MKLN1: variants seen among roughly 807,000 people sequenced by gnomAD.
MKLN1 encodes muskelin.
Under a neutral mutation model 99.0 loss-of-function variants are expected in MKLN1, and 18 were observed. The observed-to-expected ratio is 0.18, with a 90% confidence interval of 0.13 to 0.27. The LOEUF (loss-of-function observed/expected upper bound fraction) is 0.27, where lower values mean the gene tolerates loss of function less well. Ranked by LOEUF, MKLN1 falls within the 10% of genes least tolerant of loss-of-function variation. MKLN1 has a pLI of 1.00. For synonymous variants in MKLN1, 288 were observed against 293.2 expected (o/e 0.98, Z 0.18); for missense variants, 621 against 875.9 (o/e 0.71, Z 3.67).
intron 3 of MKLN1, among the ~76,000 whole-genome samples, chr7:131,247,462 C>T (rs1046670288): frequency 9.9e-5 from 15 of 152,116 alleles, no homozygotes; most frequent in African/African-American, 3.4e-4. Flanking sequence ...GATCTGCCTG[C>T]CTGGGCTTCC....
intron 3 of MKLN1, among the ~76,000 whole-genome samples, chr7:131,225,819 C>T (rs895715503): frequency 6.6e-6 from 1 of 152,218 alleles, no homozygotes. Context: ...GGTGTGTCTG[C>T]TCCAGGCTGG....
At chr7:131,395,720 A>T (rs904651621) in intron 4 of MKLN1, among the ~76,000 whole-genome samples, 5 of 146,474 alleles carry the variant, frequency 3.4e-5, no homozygotes, top group East Asian at 2.0e-4. Flanking sequence ...TGTTGTTATT[A>T]AAAAAAAAAG....
At chr7:131,471,010 A>G in intron 16 of MKLN1, 66 bp downstream of exon 16, 2 of 1,121,074 alleles carry the variant, frequency 1.8e-6, no homozygotes, top group Admixed American at 2.3e-5. Context: ...ACTTATATTT[A>G]ATGATTTTGC....
intron 1 of MKLN1, among the ~76,000 whole-genome samples, chr7:131,135,671 C>T (rs905165531): frequency 6.6e-6 from 1 of 152,060 alleles, no homozygotes; most frequent in Non-Finnish European, 1.5e-5. Flanking sequence ...CAAGAGTCTG[C>T]TGAGAGGAGT....
intron 3 of MKLN1, among the ~76,000 whole-genome samples, chr7:131,244,951 C>T (rs1043296822): frequency 6.6e-6 from 1 of 152,186 alleles, no homozygotes; most frequent in East Asian, 1.9e-4. Context: ...TTTGCAGCTC[C>T]GTTCTCATTT....
At chr7:131,331,062 A>G (rs1261526784) in intron 1 of MKLN1, among the ~76,000 whole-genome samples, 1 of 152,194 alleles carries the variant, frequency 6.6e-6, no homozygotes. Flanking sequence ...CCTGTACTCA[A>G]ATGTTTATTT....
intron 4 of MKLN1, among the ~76,000 whole-genome samples, chr7:131,390,448 T>C (rs992960358): frequency 2.0e-5 from 3 of 152,132 alleles, no homozygotes; most frequent in Admixed American, 1.3e-4. Context: ...GCAGTGGAAA[T>C]TGGAACCTTT....
chr7:131,355,966 A>T (rs2116782009), intron 1 of MKLN1, among the ~76,000 whole-genome samples: 1 of 151,932 alleles, frequency 6.6e-6, no homozygotes, highest in South Asian at 2.1e-4. Flanking sequence ...TCTATCTCTT[A>T]AATTTTAGAC....
At chr7:131,420,803 A>G (rs1422177849) in intron 8 of MKLN1, among the ~76,000 whole-genome samples, 2 of 152,154 alleles carry the variant, frequency 1.3e-5, no homozygotes, top group Admixed American at 6.5e-5. Context: ...TTTTATGACT[A>G]TAGAGGCTAG....
chr7:131,234,652 C>T (rs1218718256), intron 3 of MKLN1, among the ~76,000 whole-genome samples: 1 of 152,182 alleles, frequency 6.6e-6, no homozygotes, highest in African/African-American at 2.4e-5. Flanking sequence ...TTTAACTCTC[C>T]AGCTCTTTCC....
intron 3 of MKLN1, among the ~76,000 whole-genome samples, chr7:131,210,915 T>C (rs1796896230): frequency 6.6e-6 from 1 of 151,184 alleles, no homozygotes; most frequent in South Asian, 2.1e-4. Context: ...TACAGTATAC[T>C]GGGTTGGTGG....
intron 3 of MKLN1, among the ~76,000 whole-genome samples, chr7:131,312,855 C>T (rs1348831493): frequency 6.6e-6 from 1 of 152,126 alleles, no homozygotes; most frequent in African/African-American, 2.4e-5. Flanking sequence ...GGACAAATGA[C>T]AGTGCTATGG....
At chr7:131,376,095 A>AATATGTAT (rs1793638207) in intron 2 of MKLN1, among the ~76,000 whole-genome samples, 1 of 108,064 alleles carries the variant, frequency 9.3e-6, no homozygotes, top group Non-Finnish European at 1.9e-5. Context: ...AATTCATGGA[A>AATATGTAT]ATATATATAT....
intron 1 of MKLN1, among the ~76,000 whole-genome samples, chr7:131,374,626 G>A (rs1224469435): frequency 6.6e-6 from 1 of 152,106 alleles, no homozygotes; most frequent in Non-Finnish European, 1.5e-5. Flanking sequence ...ATCAAGCAGT[G>A]TTTATGTATA....
intron 3 of MKLN1, among the ~76,000 whole-genome samples, chr7:131,238,513 C>A (rs1797357501): frequency 6.6e-6 from 1 of 152,082 alleles, no homozygotes; most frequent in African/African-American, 2.4e-5. Flanking sequence ...GACAGGATGA[C>A]CAGTAATGTA....
chr7:131,194,127 G>C (rs551196965), intron 2 of MKLN1, among the ~76,000 whole-genome samples: 10 of 151,532 alleles, frequency 6.6e-5, no homozygotes, highest in African/African-American at 2.2e-4. Context: ...TGGGATTATA[G>C]GCATGAACCA....
chr7:131,396,932 A>C (rs1288374682), intron 4 of MKLN1, among the ~76,000 whole-genome samples: 2 of 152,358 alleles, frequency 1.3e-5, no homozygotes, highest in African/African-American at 4.8e-5. Context: ...GTTCTGATGT[A>C]GACTAAATTC....
chr7:131,243,675 A>G (rs1175669984), intron 3 of MKLN1, among the ~76,000 whole-genome samples: 1 of 152,196 alleles, frequency 6.6e-6, no homozygotes, highest in Admixed American at 6.5e-5. Context: ...GCTTCTATCC[A>G]TTAACAGGAA....
chr7:131,275,505 A>G (rs1474285086), intron 3 of MKLN1, among the ~76,000 whole-genome samples: 2 of 118,212 alleles, frequency 1.7e-5, no homozygotes, highest in Non-Finnish European at 3.3e-5. Flanking sequence ...AGCAGCTGCG[A>G]CTACAGGCAT....
Sources: allele counts gnomAD v4.1 joint callset (sites outside exome capture counted in the v4.1 genomes callset), GRCh38; gene constraint gnomAD v4.1.1; transcripts MANE v1.5; gene names NCBI Gene and HGNC (gene_info 2026-07-23, HGNC 2026-07-21).